Variants in TDRD12 observed in about 807,000 individuals in gnomAD.
TDRD12 encodes the protein putative ATP-dependent RNA helicase TDRD12.
Under a neutral mutation model 133.5 loss-of-function variants are expected in TDRD12, and 158 were observed. That is an observed-to-expected ratio of 1.18 (90% CI 1.04 to 1.35). TDRD12 has a LOEUF of 1.35. Ranked by LOEUF, TDRD12 falls within the 40% of genes most tolerant of loss-of-function variation. TDRD12 has a pLI of 0.00. For missense variants in TDRD12, 1,443 were observed against 1,321.3 expected (o/e 1.09, Z -1.43); for synonymous variants, 460 against 477.9 (o/e 0.96, Z 0.49).
chr19:32,792,328 AGAGAGAATAAATATCCCCG>A (rs1402269346), intron 13 of TDRD12, among the ~76,000 whole-genome samples: 1 of 152,164 alleles, frequency 6.6e-6, no homozygotes, highest in African/African-American at 2.4e-5. Context: ...AAATATCCCC[AGAGAGAATAAATATCCCCG>A]GAGAGAAGAC....
At chr19:32,815,479 C>A in exon 26 of TDRD12, 1 of 1,536,350 alleles carries the variant, frequency 6.5e-7, no homozygotes, top group Non-Finnish European at 8.7e-7. Flanking sequence ...AGTTTAAAAA[C>A]CTCTGTCATT....
intron 6 of TDRD12, among the ~76,000 whole-genome samples, chr19:32,753,370 T>C (rs953257849): frequency 6.6e-6 from 1 of 152,148 alleles, no homozygotes. Flanking sequence ...TTTCCTTATT[T>C]ATTCATTTAT....
chr19:32,797,757 C>G (rs1207411159), exon 15 of TDRD12: 9 of 698,556 alleles, frequency 1.3e-5, no homozygotes, highest in South Asian at 1.1e-4. Context: ...ATCGTGTGCC[C>G]TGGGTGGAAG....
At chr19:32,820,917 C>G (rs570439190) in intron 27 of TDRD12, 116 bp from the exon 28 acceptor site, 1 of 722,364 alleles carries the variant, frequency 1.4e-6, no homozygotes, top group Non-Finnish European at 2.3e-6. Flanking sequence ...ATAAGCTCTA[C>G]GTGGGTCTGA....
chr19:32,828,380 T>A (rs1967656104), exon 10 of TDRD12: 1 of 151,536 alleles, frequency 6.6e-6, no homozygotes, highest in African/African-American at 2.4e-5. Flanking sequence ...GCATTGTGGC[T>A]GCAGCACTGG....
At chr19:32,767,969 G>A in intron 8 of TDRD12, among the ~76,000 whole-genome samples, 1 of 152,172 alleles carries the variant, frequency 6.6e-6, no homozygotes, top group Admixed American at 6.5e-5. Flanking sequence ...AATCCAGAGA[G>A]AAAGAATATT....
intron 8 of TDRD12, among the ~76,000 whole-genome samples, chr19:32,763,108 G>T (rs1277039269): frequency 6.6e-6 from 1 of 152,160 alleles, no homozygotes; most frequent in Non-Finnish European, 1.5e-5. Context: ...CGTATATGTG[G>T]TCTATTGCTG....
At chr19:32,809,250 T>A (rs1437752050) in intron 22 of TDRD12, among the ~76,000 whole-genome samples, 2 of 152,062 alleles carry the variant, frequency 1.3e-5, no homozygotes, top group Non-Finnish European at 1.5e-5. Flanking sequence ...GTGTGGAGAT[T>A]TCACAGGGGC....
At chr19:32,809,384 T>G (rs532915205) in intron 22 of TDRD12, among the ~76,000 whole-genome samples, 1 of 152,172 alleles carries the variant, frequency 6.6e-6, no homozygotes, top group South Asian at 2.1e-4. Flanking sequence ...GGTCTATTGC[T>G]TCCCTCTGCT....
At chr19:32,763,886 G>A (rs1320026237) in intron 8 of TDRD12, among the ~76,000 whole-genome samples, 2 of 152,128 alleles carry the variant, frequency 1.3e-5, no homozygotes, top group Non-Finnish European at 2.9e-5. Context: ...CAGTGCTGGG[G>A]CAACAGTTTG....
intron 8 of TDRD12, among the ~76,000 whole-genome samples, chr19:32,763,228 C>A (rs1048498989): frequency 6.6e-6 from 1 of 152,046 alleles, no homozygotes; most frequent in African/African-American, 2.4e-5. Context: ...TGACTTTGCT[C>A]TTTTTCTACC....
rs1971432763 is a variant in TDRD12, at chr19:32,802,661, A to G, written c.2203A>G (p.Thr735Ala). Residue 735 changes from threonine to alanine, a missense_variant, in exon 20 of 28, where the codon ACA becomes GCA. Physicochemically the swap from Thr to Ala is moderately conservative, Grantham distance 58. Transcript: ENST00000444215. ...GTCGGACTCCCTCTCTGCAGCCCTC[A>G]CAGACGACTGCGTCCCACTCTTGGC... The G allele has an allele frequency of 2.6e-6, 4 of 1,536,020 alleles. No individual in the cohort carries two copies. In the East Asian group the frequency reaches 7.3e-5, roughly 28 times the overall value.
chr19:32,771,808 ATTACT>A (rs1970450645), intron 8 of TDRD12, among the ~76,000 whole-genome samples: 1 of 152,180 alleles, frequency 6.6e-6, no homozygotes, highest in South Asian at 2.1e-4. Flanking sequence ...TGGGTTCCAA[ATTACT>A]TTAAAGAAGG....
At chr19:32,800,300 A>T in exon 17 of TDRD12, 1 of 1,531,576 alleles carries the variant, frequency 6.5e-7, no homozygotes, top group East Asian at 2.4e-5. Context: ...TTCATGAATG[A>T]TCCCTACATT....
exon 8 of TDRD12, chr19:32,757,069 T>G: frequency 6.4e-7 from 1 of 1,551,896 alleles, no homozygotes; most frequent in Non-Finnish European, 8.7e-7. Context: ...CGGCACAATC[T>G]CTGCAACATA....
At chr19:32,794,638 G>T in exon 14 of TDRD12, 1 of 702,398 alleles carries the variant, frequency 1.4e-6, no homozygotes, top group Non-Finnish European at 2.6e-6. Flanking sequence ...GCTCTTCAAA[G>T]AAATAAGTTT....
At chr19:32,748,569 T>C (rs1475160976) in intron 5 of TDRD12, 38 bp downstream of exon 5, 1 of 1,537,330 alleles carries the variant, frequency 6.5e-7, no homozygotes, top group East Asian at 2.5e-5. Flanking sequence ...TGCCTGGAAG[T>C]GACACCCACA....
chr19:32,802,305 A>G (rs1971422969), intron 19 of TDRD12, among the ~76,000 whole-genome samples: 1 of 150,318 alleles, frequency 6.7e-6, no homozygotes, highest in African/African-American at 2.4e-5. Flanking sequence ...CAAGCTATAT[A>G]TATATTCATG....
intron 8 of TDRD12, 31 bp downstream of exon 8, chr19:32,757,161 G>A (rs1321978417): frequency 2.0e-6 from 3 of 1,484,688 alleles, no homozygotes; most frequent in African/African-American, 2.8e-5. Context: ...TTATTTCATA[G>A]GCAGCATGAA....
Sources: gnomAD v4.1 joint callset for allele counts (sites outside exome capture counted in the v4.1 genomes callset) on GRCh38, gnomAD v4.1.1 for gene constraint, MANE v1.5 for transcripts, NCBI Gene and HGNC (gene_info 2026-07-23, HGNC 2026-07-21) for gene names.